The following ASCC3 variants were observed in gnomAD, a reference collection of about 807,000 sequenced individuals.
The protein encoded by ASCC3 is activating signal cointegrator 1 complex subunit 3.
In ASCC3, 158 loss-of-function variants were observed where a neutral mutation model predicts 256.3. The ratio of observed to expected loss-of-function variants is 0.62; its 90% CI spans 0.54 to 0.70. ASCC3 has a LOEUF of 0.70. ASCC3 is among the 30% of genes least tolerant of loss of function. The pLI is 0.00. For synonymous variants in ASCC3, 948 were observed against 883.4 expected (o/e 1.07, Z -1.30); for missense variants, 2,259 against 2,626.0 (o/e 0.86, Z 3.05).
chr6:100,601,844 T>C lies in ASCC3; in HGVS notation c.5269A>G (p.Thr1757Ala). The C allele has an allele frequency of 6.2e-7, 1 of 1,612,656 alleles. No individual in the cohort carries two copies. Among genetic ancestry groups the C allele is most frequent in the Non-Finnish European group, 8.5e-7 (1 of 1,178,950 alleles). Residue 1757 changes from threonine to alanine, a missense_variant, in exon 34 of 42, where the codon ACT (threonine) becomes GCT (alanine). Physicochemically the swap from Thr to Ala is moderately conservative, Grantham distance 58. Around this residue, in one of 2 missense-constraint regions of ASCC3, gnomAD observed 1,839 missense variants for 2,206.7 expected, o/e 0.83. Transcript: ENST00000369162. ...ATGATAAGACGTCGGAAAAAGTAAG[T>C]CCAGGTGATATAATCCAATGCATCT... is the stretch of plus-strand genomic sequence containing the variant. ...KQDALDYITWTYFFRRLIMNP... is the reference protein window; with the variant it reads ...KQDALDYITWAYFFRRLIMNP...
intron 26 of ASCC3, among the ~76,000 whole-genome samples, chr6:100,629,974 T>C (rs982123788): frequency 3.3e-5 from 5 of 152,108 alleles, no homozygotes; most frequent in Non-Finnish European, 7.4e-5. Flanking sequence ...CTCAGCTCAC[T>C]GCAACCTCCA....
chr6:100,740,585 C>G (rs1780389133), intron 10 of ASCC3, among the ~76,000 whole-genome samples: 1 of 152,188 alleles, frequency 6.6e-6, no homozygotes, highest in African/African-American at 2.4e-5. Flanking sequence ...CTGTAGGTCT[C>G]TAACAACCTG....
chr6:100,742,156 C>T (rs1057277705), intron 10 of ASCC3, among the ~76,000 whole-genome samples: 1 of 152,134 alleles, frequency 6.6e-6, no homozygotes, highest in Non-Finnish European at 1.5e-5. Flanking sequence ...TGCTCCAGAT[C>T]CTAGTTGGCT....
At chr6:100,644,379 C>T (rs577827094) in intron 22 of ASCC3, among the ~76,000 whole-genome samples, 1 of 152,104 alleles carries the variant, frequency 6.6e-6, no homozygotes, top group Non-Finnish European at 1.5e-5. Flanking sequence ...TAGTCACTAC[C>T]TTTTCCTTAC....
intron 37 of ASCC3, among the ~76,000 whole-genome samples, chr6:100,520,801 A>C (rs959394314): frequency 1.3e-5 from 2 of 152,106 alleles, no homozygotes; most frequent in African/African-American, 4.8e-5. Flanking sequence ...CTGTGTAAGT[A>C]CTCTCTATGA....
At chr6:100,520,010 A>C (rs562645009) in intron 37 of ASCC3, among the ~76,000 whole-genome samples, 282 of 152,306 alleles carry the variant, frequency 1.9e-3, no homozygotes, top group African/African-American at 6.4e-3. Flanking sequence ...TGGCTCCCCA[A>C]CTGAGTTGAA....
intron 8 of ASCC3, among the ~76,000 whole-genome samples, chr6:100,783,924 G>A (rs1461916639): frequency 6.6e-6 from 1 of 152,106 alleles, no homozygotes. Context: ...AATTTATGCG[G>A]TAGGTCTTTT....
chr6:100,835,859 A>T (rs1482141881), intron 4 of ASCC3, among the ~76,000 whole-genome samples: 2 of 152,146 alleles, frequency 1.3e-5, no homozygotes, highest in Non-Finnish European at 2.9e-5. Flanking sequence ...TGTAATCAAC[A>T]TTAATTCTTC....
chr6:100,771,620 A>G (rs1781927626), intron 8 of ASCC3, among the ~76,000 whole-genome samples: 1 of 152,194 alleles, frequency 6.6e-6, no homozygotes, highest in South Asian at 2.1e-4. Flanking sequence ...TCATTTCACC[A>G]AAGAAAATAT....
chr6:100,629,256 CT>C, intron 26 of ASCC3, 75 bp from the exon 27 acceptor site: 1 of 1,370,972 alleles, frequency 7.3e-7, no homozygotes, highest in Middle Eastern at 2.3e-4. Context: ...AAACCTATCT[CT>C]TTTAAAATAA....
intron 4 of ASCC3, among the ~76,000 whole-genome samples, chr6:100,835,990 T>A (rs1308114958): frequency 2.0e-5 from 3 of 152,142 alleles, no homozygotes; most frequent in African/African-American, 7.2e-5. Flanking sequence ...TATTCTCAGG[T>A]ATTCTGTGTA....
At chr6:100,614,812 G>C (rs1242397205) in intron 30 of ASCC3, among the ~76,000 whole-genome samples, 1 of 152,052 alleles carries the variant, frequency 6.6e-6, no homozygotes, top group Non-Finnish European at 1.5e-5. Flanking sequence ...ATGAAATAAT[G>C]AGTAACTCTA....
chr6:100,555,433 G>T (rs1769523958), intron 36 of ASCC3, among the ~76,000 whole-genome samples: 1 of 152,034 alleles, frequency 6.6e-6, no homozygotes, highest in African/African-American at 2.4e-5. Flanking sequence ...ATAAGCATTT[G>T]TCAAAAATAA....
chr6:100,628,091 C>CAAAAAAAAAAAA, intron 27 of ASCC3, 104 bp from the exon 28 acceptor site: 1 of 843,706 alleles, frequency 1.2e-6, no homozygotes, highest in Non-Finnish European at 1.7e-6. Flanking sequence ...AAAACAAAAA[C>CAAAAAAAAAAAA]AAAAAAAAAA....
chr6:100,708,301 A>G (rs954255139), intron 13 of ASCC3, among the ~76,000 whole-genome samples: 2 of 152,226 alleles, frequency 1.3e-5, no homozygotes, highest in African/African-American at 4.8e-5. Flanking sequence ...GAAATTTATT[A>G]TTTGAGTTTA....
At chr6:100,872,615 C>G (rs1207509661) in intron 1 of ASCC3, among the ~76,000 whole-genome samples, 3 of 152,098 alleles carry the variant, frequency 2.0e-5, no homozygotes, top group African/African-American at 4.8e-5. Context: ...CACAGACCTT[C>G]TGAAGGAAGC....
At chr6:100,633,571 G>C (rs1366285074) in intron 25 of ASCC3, among the ~76,000 whole-genome samples, 1 of 151,942 alleles carries the variant, frequency 6.6e-6, no homozygotes, top group African/African-American at 2.4e-5. Flanking sequence ...GAAATCATAA[G>C]AAATTTGTGC....
At chr6:100,785,936 T>A (rs905731027) in intron 8 of ASCC3, among the ~76,000 whole-genome samples, 7 of 152,048 alleles carry the variant, frequency 4.6e-5, no homozygotes, top group African/African-American at 1.7e-4. Context: ...ACAATAGCAA[T>A]ACCATGTTTA....
chr6:100,548,089 C>T (rs1464098004), intron 36 of ASCC3, among the ~76,000 whole-genome samples: 1 of 150,906 alleles, frequency 6.6e-6, no homozygotes, highest in Non-Finnish European at 1.5e-5. Flanking sequence ...TTATATCCTA[C>T]TCTAGAAAAT....
Sources: gnomAD v4.1 joint callset for allele counts (sites outside exome capture counted in the v4.1 genomes callset) on GRCh38, gnomAD v4.1.1 for gene constraint, gnomAD v4.1.1 regional missense constraint, MANE v1.5 for transcripts, NCBI Gene and HGNC (gene_info 2026-07-23, HGNC 2026-07-21) for gene names.